AK9: variants seen among roughly 807,000 people sequenced by gnomAD.
AK9 encodes the protein adenylate kinase domain containing 1.
In AK9, 191 loss-of-function variants were observed where a neutral mutation model predicts 239.6. The ratio of observed to expected loss-of-function variants is 0.80; its 90% CI spans 0.71 to 0.90. The LOEUF (loss-of-function observed/expected upper bound fraction) is 0.90, where lower values mean the gene tolerates loss of function less well. Among genes scored for constraint, AK9 ranks in the 40% least tolerant of loss-of-function variants. The pLI is 0.00. For synonymous variants in AK9, 689 were observed against 721.0 expected, an observed-to-expected ratio of 0.96 and a Z score of 0.71; for missense variants, 1,995 against 2,214.7, an observed-to-expected ratio of 0.90 and a Z score of 1.99.
chr6:109,635,552 G>A (rs979734711), intron 10 of AK9, among the ~76,000 whole-genome samples: 1 of 152,178 alleles, frequency 6.6e-6, no homozygotes, highest in African/African-American at 2.4e-5. Flanking sequence ...AACCAGAGGA[G>A]CATGTGAGGG....
chr6:109,677,279 T>C (rs1250167171), intron 1 of AK9, among the ~76,000 whole-genome samples: 5 of 152,142 alleles, frequency 3.3e-5, no homozygotes, highest in Admixed American at 2.6e-4. Flanking sequence ...CAAAAATATT[T>C]TTTAAAAATA....
chr6:109,602,926 G>T (rs781225551), intron 17 of AK9, among the ~76,000 whole-genome samples: 1 of 152,094 alleles, frequency 6.6e-6, no homozygotes, highest in Non-Finnish European at 1.5e-5. Context: ...GCTCCATCAG[G>T]TCCTCTAAGG....
chr6:109,592,559 G>C (rs1442922730), intron 17 of AK9, among the ~76,000 whole-genome samples: 1 of 149,050 alleles, frequency 6.7e-6, no homozygotes, highest in Non-Finnish European at 1.5e-5. Flanking sequence ...CCATTCTCCT[G>C]CCTCAGCCTC....
intron 25 of AK9, among the ~76,000 whole-genome samples, chr6:109,546,365 T>C (rs899226381): frequency 6.6e-6 from 1 of 152,256 alleles, no homozygotes; most frequent in Non-Finnish European, 1.5e-5. Flanking sequence ...TGGTATCATA[T>C]GCCAAAAGGC....
chr6:109,641,745 C>T, intron 9 of AK9, 129 bp from the exon 10 acceptor site: 1 of 694,814 alleles, frequency 1.4e-6, no homozygotes. Context: ...CTTGCTTCTT[C>T]TGGCTTCTGG....
chr6:109,664,345 C>T (rs186630420), intron 5 of AK9, among the ~76,000 whole-genome samples: 59 of 152,252 alleles, frequency 3.9e-4, no homozygotes, highest in East Asian at 2.3e-3. Flanking sequence ...TGTTGATAGA[C>T]GAGTGAATGA....
intron 17 of AK9, among the ~76,000 whole-genome samples, chr6:109,609,230 C>T (rs996133861): frequency 6.6e-6 from 1 of 152,116 alleles, no homozygotes; most frequent in African/African-American, 2.4e-5. Flanking sequence ...TATGGAAATT[C>T]CACAGACCCA....
chr6:109,561,558 C>T (rs1785784219), intron 24 of AK9, among the ~76,000 whole-genome samples: 1 of 152,088 alleles, frequency 6.6e-6, no homozygotes, highest in South Asian at 2.1e-4. Flanking sequence ...AAGTGATGTG[C>T]CTGCCTTGGC....
At chr6:109,603,024 C>T (rs1792268302) in intron 17 of AK9, among the ~76,000 whole-genome samples, 1 of 152,168 alleles carries the variant, frequency 6.6e-6, no homozygotes, top group South Asian at 2.1e-4. Flanking sequence ...CGAACTTCCT[C>T]CTTTAGCTCA....
chr6:109,559,131 C>T (rs532504469), intron 24 of AK9, among the ~76,000 whole-genome samples: 5 of 151,108 alleles, frequency 3.3e-5, no homozygotes, highest in African/African-American at 4.8e-5. Flanking sequence ...GGATTACAGA[C>T]GTGAGCCACC....
At chr6:109,613,050 CA>C (rs1793760979) in intron 15 of AK9, among the ~76,000 whole-genome samples, 1 of 149,526 alleles carries the variant, frequency 6.7e-6, no homozygotes, top group South Asian at 2.1e-4. Context: ...TATAATCAAT[CA>C]ATCCTCTCAA....
intron 6 of AK9, chr6:109,660,861 G>C (rs1454319265): frequency 2.4e-6 from 1 of 418,008 alleles, no homozygotes; most frequent in African/African-American, 2.0e-5. Flanking sequence ...CTAAGCTTCT[G>C]GGTGCTGTTG....
intron 29 of AK9, among the ~76,000 whole-genome samples, chr6:109,520,643 G>A (rs1241071114): frequency 6.6e-6 from 1 of 152,142 alleles, no homozygotes; most frequent in Admixed American, 6.6e-5. Context: ...AAAAATCTGT[G>A]AAGGATGTTA....
chr6:109,589,371 T>G (rs1789924024), intron 17 of AK9, among the ~76,000 whole-genome samples: 1 of 152,180 alleles, frequency 6.6e-6, no homozygotes, highest in African/African-American at 2.4e-5. Flanking sequence ...GATTTTGTTC[T>G]CAGCTTGATT....
chr6:109,567,897 A>G (rs980377132), intron 21 of AK9, among the ~76,000 whole-genome samples: 50 of 143,876 alleles, frequency 3.5e-4, no homozygotes, highest in Non-Finnish European at 6.8e-4. Context: ...AAAAAAAAAA[A>G]GAAAAAGGGA....
intron 12 of AK9, among the ~76,000 whole-genome samples, chr6:109,622,408 TA>T (rs1214933206): frequency 2.1e-5 from 3 of 141,616 alleles, no homozygotes; most frequent in Non-Finnish European, 4.5e-5. Context: ...TAATATGTAA[TA>T]TATATTTGTA....
intron 8 of AK9, among the ~76,000 whole-genome samples, chr6:109,647,656 C>T (rs1212258044): frequency 2.0e-5 from 3 of 152,162 alleles, no homozygotes; most frequent in Non-Finnish European, 2.9e-5. Context: ...TTTAACACCC[C>T]ACTGTCAACA....
At chr6:109,673,213 G>A (rs1771195773) in intron 3 of AK9, among the ~76,000 whole-genome samples, 1 of 152,092 alleles carries the variant, frequency 6.6e-6, no homozygotes, top group African/African-American at 2.4e-5. Context: ...AGTTGTGTGT[G>A]TGTGTGAGTG....
intron 18 of AK9, 145 bp from the exon 19 acceptor site, chr6:109,585,382 C>A (rs1219515139): frequency 3.6e-6 from 1 of 279,824 alleles, no homozygotes; most frequent in Non-Finnish European, 6.0e-6. Context: ...AGCCCAGATT[C>A]TTTAAAATAT....
Sources: allele counts gnomAD v4.1 joint callset (sites outside exome capture counted in the v4.1 genomes callset), GRCh38; gene constraint gnomAD v4.1.1; transcripts MANE v1.5; gene names NCBI Gene and HGNC (gene_info 2026-07-23, HGNC 2026-07-21).